POLQ: variants seen among roughly 807,000 people sequenced by gnomAD.
POLQ encodes the protein DNA polymerase theta, also known as epididymis secretory sperm binding protein.
POLQ carries 233 observed loss-of-function variants against 259.2 expected under a neutral mutation model. The observed-to-expected ratio is 0.90, with a 90% CI of 0.81 to 1.00. The LOEUF is 1.00. Among genes scored for constraint, POLQ ranks in the 50% least tolerant of loss-of-function variants. The pLI is 0.00. For synonymous variants in POLQ, 1,025 were observed against 1,048.8 expected (o/e 0.98, Z 0.44); for missense variants, 2,871 against 3,051.6 (o/e 0.94, Z 1.39).
In POLQ at chr3:121,488,255, G is replaced by A. The variant is rs372597036; in HGVS notation, c.4676C>T (p.Ser1559Leu). ...AACCATCTGAACAGAATCCATTTCT[G>A]AAAATATAATAGATTCATCATTGGA... ...TCSNDESIIFSEMDSVQMVEA... is the reference protein window; with the variant it reads ...TCSNDESIIFLEMDSVQMVEA... Residue 1559 changes from serine to leucine, a missense_variant, in exon 16 of 30, where the codon TCA becomes TTA. By Grantham distance (145) the Ser-to-Leu change is moderately radical. Coordinates refer to ENST00000264233, the MANE Select transcript of POLQ (RefSeq NM_199420.4). The A allele has an allele frequency of 3.8e-5, 61 of 1,612,694 alleles. No homozygotes were observed. In the East Asian group the frequency reaches 6.9e-4, roughly 18 times the overall value.
At position 121,460,215 on chromosome 3, in the gene POLQ, A is replaced by C; in HGVS notation, c.6987T>G (p.Ala2329=). The C allele has an allele frequency of 6.2e-7, 1 of 1,613,352 alleles. No homozygotes were observed. ...TCCTCAGTTCAAGCTGAGAGTAGTC[A>C]GCAGCCAGTATTGAACCACCTGAAG... ...VPFPGGSILA[A]DYSQLELRIL... The change falls in exon 25 of 30, where the codon GCT becomes GCG. Residue 2329 remains alanine (A), a synonymous_variant. Coordinates refer to ENST00000264233, the MANE Select transcript of POLQ (RefSeq NM_199420.4).
At chr3:121,545,610 A>T (rs1030335199) in intron 1 of POLQ, 105 bp downstream of exon 1, 2 of 1,095,944 alleles carry the variant, frequency 1.8e-6, no homozygotes, top group Non-Finnish European at 1.3e-6. Flanking sequence ...TAGAAGCCCA[A>T]TGGGGTATGC....
chr3:121,476,964 G>A (rs1017259560), intron 19 of POLQ, among the ~76,000 whole-genome samples: 2 of 152,086 alleles, frequency 1.3e-5, no homozygotes, highest in Admixed American at 6.5e-5. Flanking sequence ...TAGAAGAGTC[G>A]GCAATCTTGT....
chr3:121,493,382 T>G, intron 15 of POLQ, 96 bp downstream of exon 15: 2 of 907,896 alleles, frequency 2.2e-6, no homozygotes, highest in Non-Finnish European at 3.2e-6. Flanking sequence ...ATAAGATTAT[T>G]TAAGAGAAAA....
intron 26 of POLQ, among the ~76,000 whole-genome samples, chr3:121,444,236 A>AT (rs2047615738): frequency 6.6e-6 from 1 of 151,668 alleles, no homozygotes; most frequent in African/African-American, 2.4e-5. Flanking sequence ...AACATGGAAT[A>AT]TTTTTTCATA....
At chr3:121,494,246 C>G in intron 14 of POLQ, 3 of 1,585,434 alleles carry the variant, frequency 1.9e-6, no homozygotes, top group Non-Finnish European at 2.6e-6. Flanking sequence ...GGACATCCAG[C>G]CCAAAAGAGA....
At position 121,476,528 on chromosome 3, in the gene POLQ, C is replaced by A. The variant is rs1295087259; in HGVS notation, c.6405+12G>T. The A allele has an allele frequency of 6.9e-6, 11 of 1,597,928 alleles. No individual in the cohort carries two copies. The highest frequency in any genetic ancestry group is 6.9e-6 in the Non-Finnish European group (8 of 1,167,498). On this transcript the variant is annotated intron_variant, in intron 20 of 29. Coordinates refer to ENST00000264233, the MANE Select transcript of POLQ (RefSeq NM_199420.4). ...AAATTATGTATCTATATCCCTAGCC[C>A]CATGATACAACCTCAGCGATGTCAT... is the stretch of plus-strand genomic sequence containing the variant.
Position 121,440,129 on chromosome 3 carries a change from T to C in POLQ, c.7265-13A>G. On this transcript the variant is annotated splice_polypyrimidine_tract_variant and intron_variant, in intron 26 of 29. Coordinates refer to ENST00000264233, the MANE Select transcript of POLQ (RefSeq NM_199420.4). ...AATTGATTAATCCCTACAAAGAAAA[T>C]ACAGAAATAATTAATTAGAACCAAA... The C allele has an allele frequency of 1.3e-6, 2 of 1,594,636 alleles. No individual in the cohort carries two copies. Among genetic ancestry groups the C allele is most frequent in the Non-Finnish European group, 1.7e-6 (2 of 1,164,502 alleles).
chr3:121,518,363 T>C (rs2048313536), intron 9 of POLQ, among the ~76,000 whole-genome samples: 1 of 152,152 alleles, frequency 6.6e-6, no homozygotes, highest in African/African-American at 2.4e-5. Flanking sequence ...GTGAAAAATA[T>C]GGCACTAACT....
intron 2 of POLQ, among the ~76,000 whole-genome samples, chr3:121,544,016 A>G (rs1338582312): frequency 6.6e-6 from 1 of 151,940 alleles, no homozygotes; most frequent in East Asian, 1.9e-4. Flanking sequence ...AAAATTTTAT[A>G]TAAAGTATAT....
In POLQ at chr3:121,473,500, A is replaced by C; in HGVS notation, c.6406-13T>G. 6.2e-7 allele frequency: 1 copy of C among 1,604,504 alleles called. No homozygotes were observed. The highest frequency in any genetic ancestry group is 8.5e-7 in the Non-Finnish European group (1 of 1,174,278). On this transcript the variant is annotated splice_polypyrimidine_tract_variant and intron_variant, in intron 20 of 29. Coordinates refer to ENST00000264233, the MANE Select transcript of POLQ (RefSeq NM_199420.4). ...CCAAAAATAAAACCTGCAAGAAATT[A>C]ATGTCTCTTTAGTCAAGAATGAAAC...
At chr3:121,453,410 G>A (rs975001031) in intron 25 of POLQ, among the ~76,000 whole-genome samples, 5 of 152,210 alleles carry the variant, frequency 3.3e-5, no homozygotes, top group Admixed American at 3.3e-4. Context: ...GACGAGTTGA[G>A]AGAAGAAGGC....
In POLQ at chr3:121,487,607, C is replaced by T. The variant is rs751185681; in HGVS notation, c.5324G>A (p.Gly1775Asp). The change falls in exon 16 of 30, where the codon GGC (glycine) becomes GAC (aspartate). Residue 1775 changes from glycine (G) to aspartate (D), a missense_variant. Physicochemically the swap from Gly to Asp is moderately conservative, Grantham distance 94. This residue lies in a region of POLQ where 2,080 missense variants were observed against 2,126.0 expected (regional missense o/e 0.98). Coordinates refer to ENST00000264233, the MANE Select transcript of POLQ (RefSeq NM_199420.4). ...GTGGTTTTTAATATCTGAAGGTGAG[C>T]CAAATAAATAACTTTCACCAGGTTG... ...VLQPGESYLFGSPSDIKNHDL... is the reference protein window; with the variant it reads ...VLQPGESYLFDSPSDIKNHDL... The T allele has an allele frequency of 6.2e-7, 1 of 1,613,928 alleles. No individual in the cohort carries two copies. Among genetic ancestry groups the T allele is most frequent in the South Asian group, 1.1e-5 (1 of 91,062 alleles).
intron 12 of POLQ, among the ~76,000 whole-genome samples, chr3:121,501,378 G>C (rs1336828617): frequency 6.6e-6 from 1 of 151,912 alleles, no homozygotes; most frequent in Non-Finnish European, 1.5e-5. Context: ...AGAAATGCTA[G>C]GCCGGGCGCG....
At chr3:121,477,696 A>G (rs994167386) in intron 19 of POLQ, among the ~76,000 whole-genome samples, 1 of 152,206 alleles carries the variant, frequency 6.6e-6, no homozygotes, top group Non-Finnish European at 1.5e-5. Flanking sequence ...ATGCTGTCCT[A>G]AATCATTAAG....
chr3:121,542,149 A>G (rs2048495008), intron 2 of POLQ, among the ~76,000 whole-genome samples: 1 of 152,070 alleles, frequency 6.6e-6, no homozygotes, highest in Admixed American at 6.6e-5. Flanking sequence ...AAGGAAAAAA[A>G]AAAAAAAGAA....
chr3:121,472,831 A>G (rs1279833723), intron 21 of POLQ, among the ~76,000 whole-genome samples: 1 of 152,218 alleles, frequency 6.6e-6, no homozygotes, highest in Admixed American at 6.5e-5. Flanking sequence ...AACATCTGTA[A>G]AAATGTAAAA....
chr3:121,529,611 A>G (rs1416316772), intron 7 of POLQ, 34 bp downstream of exon 7: 2 of 1,597,502 alleles, frequency 1.3e-6, no homozygotes, highest in Non-Finnish European at 1.7e-6. Flanking sequence ...AAATGTACTA[A>G]GCATGAAGGC....
At position 121,522,137 on chromosome 3, in the gene POLQ, G is replaced by C. The variant is rs369501459; in HGVS notation, c.1121C>G (p.Pro374Arg). 6.3e-7 allele frequency: 1 copy of C among 1,598,136 alleles called. No individual in the cohort carries two copies. Among genetic ancestry groups the C allele is most frequent in the Admixed American group, 1.8e-5 (1 of 55,152 alleles). Residue 374 changes from proline to arginine, a missense_variant, in exon 8 of 30, where the codon CCC becomes CGC. Pro to Arg is a moderately radical substitution (Grantham distance 103, BLOSUM62 -2). Coordinates refer to ENST00000264233, the MANE Select transcript of POLQ (RefSeq NM_199420.4). ...LHHQAEGLVKPSECPPVILEQ... is the reference protein window; with the variant it reads ...LHHQAEGLVKRSECPPVILEQ... ...CAGAATTACTGGTGGGCATTCAGAG[G>C]GTTTCACCAATCCTGTCACAAAAAA... is the stretch of plus-strand genomic sequence containing the variant.
Sources: allele counts gnomAD v4.1 joint callset (sites outside exome capture counted in the v4.1 genomes callset), GRCh38; gene constraint gnomAD v4.1.1; regional missense constraint gnomAD v4.1.1; transcripts MANE v1.5; gene names NCBI Gene and HGNC (gene_info 2026-07-23, HGNC 2026-07-21).